EMCN: variants seen among roughly 807,000 people sequenced by gnomAD.
EMCN encodes MUC-14.
A neutral mutation model predicts 38.4 loss-of-function variants in EMCN; 37 were observed. The observed-to-expected ratio is 0.96, with a 90% confidence interval of 0.74 to 1.27. The LOEUF (loss-of-function observed/expected upper bound fraction) is 1.27, where lower values mean the gene tolerates loss of function less well. EMCN is among the 50% of genes most tolerant of loss of function. The pLI is 0.00. For synonymous variants in EMCN, 95 were observed against 100.8 expected, an observed-to-expected ratio of 0.94 and a Z score of 0.35; for missense variants, 318 against 302.8, an observed-to-expected ratio of 1.05 and a Z score of -0.37.
In EMCN at chr4:100,395,571, A is replaced by G. The variant is rs1196179670; in HGVS notation, c.*2842T>C. The G allele has an allele frequency of 6.6e-6, 1 of 152,180 alleles. No individual in the cohort carries two copies. The highest frequency in any genetic ancestry group is 1.5e-5 in the Non-Finnish European group (1 of 68,028). 9.4% of individuals were successfully genotyped at this position (152,180 alleles called of 1,614,324 possible). The stretch of plus-strand genomic sequence containing the variant: ...TCATCACCCAAAATACAATTTTTAA[A>G]GGTCATATTCACTTTTCCTTTCAAC... On this transcript the variant is annotated 3_prime_UTR_variant, in exon 12 of 12. Coordinates refer to ENST00000296420, the MANE Select transcript of EMCN (RefSeq NM_016242.4).
chr4:100,416,747 C>A (rs1442195073), intron 9 of EMCN, among the ~76,000 whole-genome samples: 1 of 152,078 alleles, frequency 6.6e-6, no homozygotes, highest in Non-Finnish European at 1.5e-5. Flanking sequence ...CAGCCATCTA[C>A]CTTAAAGGCA....
chr4:100,415,824 T>C (rs1321530502), intron 10 of EMCN, 74 bp downstream of exon 10: 6 of 1,026,042 alleles, frequency 5.8e-6, no homozygotes, highest in Non-Finnish European at 8.7e-6. Context: ...ATGTTTCACA[T>C]GAACAAAATC....
chr4:100,427,060 C>A lies in EMCN; in HGVS notation c.416-3656G>T, dbSNP rs1049726165. On this transcript the variant is annotated intron_variant, in intron 5 of 11. Transcript: ENST00000296420. Reference sequence around the variant, plus strand: ...TGGTGGCTCACGCCTGTAATCCCAGCACTTTGGAACTGGTCTCTAATTGTA... The same window carrying A: ...TGGTGGCTCACGCCTGTAATCCCAGAACTTTGGAACTGGTCTCTAATTGTA... Among the ~76,000 whole-genome samples, 4 of 152,060 alleles carry A rather than the reference C, an allele frequency of 2.6e-5. 1 individual carries two copies. Among genetic ancestry groups the A allele is most frequent in the African/African-American group, 9.7e-5 (4 of 41,422 alleles).
At position 100,396,741 on chromosome 4, in the gene EMCN, A is replaced by G. The variant is rs1366256336; in HGVS notation, c.*1672T>C. The G allele has an allele frequency of 1.3e-5, 2 of 150,636 alleles. No homozygotes were observed. Among genetic ancestry groups the G allele is most frequent in the East Asian group, 2.0e-4 (1 of 5,126 alleles). The allele number at this position is 150,636 out of a possible 1,614,324, so 9.3% of individuals were successfully genotyped here. On this transcript the variant is annotated 3_prime_UTR_variant, in exon 12 of 12. Transcript: ENST00000296420. ...TATTTTTAGTAGATATGGGGTTTCA[A>G]CATGTTGGCCAGGCTAGTCTCAAAC...
chr4:100,477,652 G>T (rs1022814509), intron 2 of EMCN, among the ~76,000 whole-genome samples: 6 of 152,178 alleles, frequency 3.9e-5, no homozygotes, highest in African/African-American at 1.4e-4. Context: ...TTAAACAAAA[G>T]AATTCTGATT....
chr4:100,421,025 C>G (rs1726872100), intron 8 of EMCN, among the ~76,000 whole-genome samples: 1 of 151,912 alleles, frequency 6.6e-6, no homozygotes, highest in Admixed American at 6.6e-5. Context: ...CCCCTGACCA[C>G]CCATAAAATT....
intron 1 of EMCN, among the ~76,000 whole-genome samples, chr4:100,496,994 T>C (rs1729223639): frequency 6.6e-6 from 1 of 152,098 alleles, no homozygotes; most frequent in Admixed American, 6.5e-5. Flanking sequence ...CTTTTTTTTT[T>C]CTCATATTAG....
rs534216892 is a variant in EMCN, at chr4:100,456,872, A to G, written c.376+8551T>C. On this transcript the variant is annotated intron_variant, in intron 4 of 11. Coordinates refer to ENST00000296420, the MANE Select transcript of EMCN (RefSeq NM_016242.4). ...TTTGTTAATCATATTGATTTATGCT[A>G]CATCAATACCTATATTTTGTCAACT... Among the ~76,000 whole-genome samples the G allele has an allele frequency of 3.3e-5, 5 of 152,294 alleles. No homozygotes were observed. The South Asian group carries it at 1.0e-3, about 32-fold the overall frequency.
rs1726124269 is a variant in EMCN at position 100,396,539 on chromosome 4, C to CTT, written c.*1873_*1874insAA. ...GGGACTTTCTTTCTTTCTTTTTTTT[C>CTT]CTTTTTTTTTTTTTTTTTTTTGAGA... On this transcript the variant is annotated 3_prime_UTR_variant, in exon 12 of 12. Transcript: ENST00000296420. The CTT allele has an allele frequency of 2.0e-5, 2 of 99,378 alleles. No individual in the cohort carries two copies. The highest frequency in any genetic ancestry group is 1.3e-4 in the Admixed American group (1 of 7,710). The allele number at this position is 99,378 out of a possible 1,614,324, so 6.2% of individuals were successfully genotyped here.
At position 100,415,918 on chromosome 4, in the gene EMCN, T is replaced by G; in HGVS notation, c.731A>C (p.Lys244Thr). Reference protein sequence around the residue: ...DKESVKLLTVKTISHESGEHS... With the variant: ...DKESVKLLTVTTISHESGEHS... ...CTTACCAGACTCATGAGAAATTGTC[T>G]TAACGGTAAGAAGCTTCACGCTCTC... The change falls in exon 10 of 12, where the codon AAG becomes ACG. Residue 244 changes from lysine (K) to threonine (T), a missense_variant. Physicochemically the swap from Lys to Thr is moderately conservative, Grantham distance 78 (BLOSUM62 -1). Coordinates refer to ENST00000296420, the MANE Select transcript of EMCN (RefSeq NM_016242.4). 2 of 1,589,264 alleles carry G rather than the reference T, an allele frequency of 1.3e-6. No individual in the cohort carries two copies. The highest frequency in any genetic ancestry group is 1.7e-6 in the Non-Finnish European group (2 of 1,170,862).
At chr4:100,449,509 A>G (rs1464843621) in intron 4 of EMCN, among the ~76,000 whole-genome samples, 2 of 152,118 alleles carry the variant, frequency 1.3e-5, no homozygotes, top group African/African-American at 4.8e-5. Flanking sequence ...TAATTAAAAC[A>G]CTTTTGAACA....
At position 100,479,992 on chromosome 4, in the gene EMCN, G is replaced by C; in HGVS notation, c.112C>G (p.Pro38Ala). 2 of 1,600,466 alleles carry C rather than the reference G, an allele frequency of 1.2e-6. No individual in the cohort carries two copies. The highest frequency in any genetic ancestry group is 1.7e-6 in the Non-Finnish European group (2 of 1,177,012). The stretch of plus-strand genomic sequence containing the variant: ...TCTGTGTTTGGTGTTGTTATAGATG[G>C]TTTTGTTGTAGTAACAACAAGTGAA... Reference protein sequence around the residue: ...NNSLVVTTTKPSITTPNTESL... With the variant: ...NNSLVVTTTKASITTPNTESL... The change falls in exon 2 of 12, where the codon CCA (proline) becomes GCA (alanine). Residue 38 changes from proline to alanine, a missense_variant. By Grantham distance (27) the Pro-to-Ala change is conservative. Coordinates refer to ENST00000296420, the MANE Select transcript of EMCN (RefSeq NM_016242.4).
intron 1 of EMCN, among the ~76,000 whole-genome samples, chr4:100,491,598 T>C (rs1729081298): frequency 6.6e-6 from 1 of 152,120 alleles, no homozygotes; most frequent in African/African-American, 2.4e-5. Flanking sequence ...CCACCTAACC[T>C]TAGGGCCCCT....
intron 11 of EMCN, among the ~76,000 whole-genome samples, chr4:100,403,880 A>G (rs1397434092): frequency 6.6e-6 from 1 of 152,042 alleles, no homozygotes; most frequent in African/African-American, 2.4e-5. Flanking sequence ...TTCTTTTGAG[A>G]AGTGTGCATT....
intron 3 of EMCN, among the ~76,000 whole-genome samples, chr4:100,468,890 T>C (rs893448112): frequency 1.3e-5 from 2 of 151,646 alleles, no homozygotes; most frequent in African/African-American, 4.8e-5. Context: ...GAAAAAAAAA[T>C]TGTATGGAAA....
At chr4:100,467,449 C>A (rs528847604) in intron 3 of EMCN, among the ~76,000 whole-genome samples, 1 of 151,848 alleles carries the variant, frequency 6.6e-6, no homozygotes, top group African/African-American at 2.4e-5. Context: ...GAGGCCGAGG[C>A]GGGCGGATCA....
At chr4:100,408,921 C>T (rs1175200731) in intron 11 of EMCN, among the ~76,000 whole-genome samples, 1 of 152,180 alleles carries the variant, frequency 6.6e-6, no homozygotes, top group Non-Finnish European at 1.5e-5. Flanking sequence ...CTGCAGCATG[C>T]TGGAGGTGCA....
At chr4:100,419,590 CA>C (rs1257424796) in intron 8 of EMCN, among the ~76,000 whole-genome samples, 1 of 152,080 alleles carries the variant, frequency 6.6e-6, no homozygotes, top group Non-Finnish European at 1.5e-5. Context: ...CATATTTTTA[CA>C]AATAAATTTA....
At position 100,465,482 on chromosome 4, in the gene EMCN, G is replaced by A; in HGVS notation, c.317C>T (p.Thr106Ile). 1 of 1,609,078 alleles carries A rather than the reference G, an allele frequency of 6.2e-7. No homozygotes were observed. Among genetic ancestry groups the A allele is most frequent in the Non-Finnish European group, 8.5e-7 (1 of 1,176,866 alleles). ...RKNDSIISNV[T>I]VTSVTLPNAV... is the part of the protein sequence containing the mutation. ...ATTTGGAAGTGTAACACTTGTTACT[G>A]TTACGTTTGAAATGATGGAGTCATT... The change falls in exon 4 of 12, where the codon ACA becomes ATA. Residue 106 changes from threonine to isoleucine, a missense_variant. Thr to Ile is a moderately conservative substitution (Grantham distance 89). Transcript: ENST00000296420.
Sources: allele counts gnomAD v4.1 joint callset (sites outside exome capture counted in the v4.1 genomes callset), GRCh38; gene constraint gnomAD v4.1.1; transcripts MANE v1.5; gene names NCBI Gene and HGNC (gene_info 2026-07-23, HGNC 2026-07-21).